LZTS1: variants seen among roughly 807,000 people sequenced by gnomAD.
LZTS1 encodes leucine zipper putative tumor suppressor 1.
In LZTS1, 31 loss-of-function variants were observed where a neutral mutation model predicts 45.8. That is an observed-to-expected ratio of 0.68 (90% CI 0.51 to 0.91). The LOEUF (loss-of-function observed/expected upper bound fraction) is 0.91, where lower values mean the gene tolerates loss of function less well. LZTS1 is among the 40% of genes least tolerant of loss of function. LZTS1 has a pLI of 0.00. For missense variants in LZTS1, 821 were observed against 788.9 expected (o/e 1.04, Z -0.49); for synonymous variants, 359 against 357.3 (o/e 1.00, Z -0.05).
chr8:20,287,178 G>T (rs891606375), intron 1 of LZTS1, among the ~76,000 whole-genome samples: 6 of 140,116 alleles, frequency 4.3e-5, no homozygotes, highest in African/African-American at 2.0e-4. Flanking sequence ...CGAGAAAGGT[G>T]TTCGGTGCCG....
intron 1 of LZTS1, among the ~76,000 whole-genome samples, chr8:20,293,367 C>G (rs767900732): frequency 2.6e-5 from 4 of 152,170 alleles, no homozygotes; most frequent in Non-Finnish European, 5.9e-5. Flanking sequence ...CTTTCCCCAC[C>G]ACCTGCTCTT....
chr8:20,266,628 T>G (rs1292800985), intron 1 of LZTS1, among the ~76,000 whole-genome samples: 1 of 152,080 alleles, frequency 6.6e-6, no homozygotes, highest in African/African-American at 2.4e-5. Flanking sequence ...GCAGAGTTTC[T>G]GTTTTTGAGG....
At chr8:20,251,729 G>A (rs1799917695) in intron 3 of LZTS1, among the ~76,000 whole-genome samples, 1 of 152,188 alleles carries the variant, frequency 6.6e-6, no homozygotes, top group Admixed American at 6.6e-5. Context: ...AAGCCAGCAT[G>A]ATACTAGTCA....
At chr8:20,290,020 TG>T (rs1258253802) in intron 1 of LZTS1, 4 of 152,218 alleles carry the variant, frequency 2.6e-5, no homozygotes, top group Admixed American at 1.3e-4. Flanking sequence ...GGAGCACTCC[TG>T]GTCCTAGAAC....
At position 20,275,020 on chromosome 8, in the gene LZTS1, C is replaced by T. The variant is rs117321858; in HGVS notation, c.-134-19705G>A. ...TTACCTCTCAGGATTGTGATATTCG[C>T]TTCCTGGAGGGAAGTCTCTGAAGGG... On this transcript the variant is annotated intron_variant, in intron 1 of 3. Transcript: ENST00000381569. Among the ~76,000 whole-genome samples, 18 of 146,330 alleles carry T rather than the reference C, an allele frequency of 1.2e-4. No individual in the cohort carries two copies. The East Asian group carries it at 3.3e-3, about 27-fold the overall frequency.
At chr8:20,264,446 C>A (rs1280706385) in intron 1 of LZTS1, among the ~76,000 whole-genome samples, 1 of 152,198 alleles carries the variant, frequency 6.6e-6, no homozygotes, top group African/African-American at 2.4e-5. Flanking sequence ...GAGACGACAT[C>A]TAGGACCTCT....
chr8:20,250,095 TGCTCCA>T lies in LZTS1; in HGVS notation c.1412_1417del (p.Leu471_Glu472del). 6.2e-7 allele frequency: 1 copy of T among 1,607,142 alleles called. No homozygotes were observed. Among genetic ancestry groups the T allele is most frequent in the African/African-American group, 1.3e-5 (1 of 75,042 alleles). Reference sequence around the variant, plus strand: ...CTGGGCCCGCAGCTCCTGCAGCTCCTGCTCCAGCAGGTTCACCTTCTCCCGCAGCAG... The same window carrying T: ...CTGGGCCCGCAGCTCCTGCAGCTCCTGCAGGTTCACCTTCTCCCGCAGCAG... On this transcript the variant is annotated inframe_deletion, in exon 4 of 4. Coordinates refer to ENST00000381569, the MANE Select transcript of LZTS1 (RefSeq NM_021020.5).
chr8:20,272,504 C>T (rs1800493746), intron 1 of LZTS1, among the ~76,000 whole-genome samples: 1 of 151,956 alleles, frequency 6.6e-6, no homozygotes. Flanking sequence ...TTTTTTGAGC[C>T]CAGATGCCGA....
chr8:20,251,140 T>TATATATATATATATATATAA (rs1563850986), intron 3 of LZTS1, among the ~76,000 whole-genome samples: 11 of 86,436 alleles, frequency 1.3e-4, no homozygotes, highest in African/African-American at 5.4e-4. Context: ...TATATATATA[T>TATATATATATATATATATAA]ATATATATAA....
intron 1 of LZTS1, among the ~76,000 whole-genome samples, chr8:20,276,171 T>G (rs542489870): frequency 6.6e-6 from 1 of 152,166 alleles, no homozygotes; most frequent in Non-Finnish European, 1.5e-5. Flanking sequence ...TGGATGACTA[T>G]GATATTATAA....
intron 1 of LZTS1, among the ~76,000 whole-genome samples, chr8:20,271,421 C>A (rs1800473083): frequency 6.6e-6 from 1 of 152,314 alleles, no homozygotes; most frequent in South Asian, 2.1e-4. Flanking sequence ...CCCCCAGCTG[C>A]CACCTAAGTC....
rs371056620 is a variant in LZTS1, at chr8:20,301,971, G to A, written c.-135+1769C>T. Among the ~76,000 whole-genome samples the A allele has an allele frequency of 6.5e-4, 99 of 152,176 alleles. 1 individual carries two copies. The South Asian group carries it at 0.02, about 31-fold the overall frequency. ...TTGCTTGCATATAGACACCCACAGA[G>A]ATGCCCGTTCTTTTTCTACTAGTTT... On this transcript the variant is annotated intron_variant, in intron 1 of 3. Transcript: ENST00000381569.
In LZTS1 at chr8:20,253,195, C is replaced by G. The variant is rs1712071110; in HGVS notation, c.736G>C (p.Asp246His). ...GSKLGHSNKA[D>H]KGPSCVRSPI... ...GAGCGGACACACGAGGGGCCCTTGT[C>G]TGCCTTGTTCGAGTGGCCCAGCTTG... The change falls in exon 3 of 4, where the codon GAC (aspartate) becomes CAC (histidine). Residue 246 changes from aspartate (D) to histidine (H), a missense_variant. By Grantham distance (81) the Asp-to-His change is moderately conservative (BLOSUM62 -1). Coordinates refer to ENST00000381569, the MANE Select transcript of LZTS1 (RefSeq NM_021020.5). 3.7e-6 allele frequency: 6 copies of G among 1,613,606 alleles called. No homozygotes were observed. In the African/African-American group the frequency reaches 5.3e-5, roughly 14 times the overall value.
chr8:20,250,220 C>T lies in LZTS1; in HGVS notation c.1293G>A (p.Leu431=). ...DTRGKLEGLE[L]RTQDLEGALR... ...GGGCGCCCTCCAGGTCCTGGGTCCTCAGCTCCAGGCCCTCCAGCTTGCCCC... is the reference window on the plus strand; with the variant it reads ...GGGCGCCCTCCAGGTCCTGGGTCCTTAGCTCCAGGCCCTCCAGCTTGCCCC... The change falls in exon 4 of 4, where the codon CTG becomes CTA. Residue 431 remains leucine (L), a synonymous_variant. Coordinates refer to ENST00000381569, the MANE Select transcript of LZTS1 (RefSeq NM_021020.5). 6.2e-7 allele frequency: 1 copy of T among 1,613,000 alleles called. No homozygotes were observed. The highest frequency in any genetic ancestry group is 1.3e-5 in the African/African-American group (1 of 75,066).
At chr8:20,289,763 T>C (rs148860065) in intron 1 of LZTS1, 53 of 152,384 alleles carry the variant, frequency 3.5e-4, no homozygotes, top group African/African-American at 1.3e-3. Context: ...CGACTGAGGC[T>C]AATTCCAGGC....
intron 1 of LZTS1, among the ~76,000 whole-genome samples, chr8:20,260,635 C>T (rs148170636): frequency 4.5e-4 from 68 of 152,298 alleles, no homozygotes; most frequent in African/African-American, 1.5e-3. Flanking sequence ...CTTCTCTAGC[C>T]GAGCTTCATT....
At chr8:20,254,723 G>T in intron 2 of LZTS1, 114 bp downstream of exon 2, 6 of 835,656 alleles carry the variant, frequency 7.2e-6, no homozygotes, top group Non-Finnish European at 7.2e-6. Flanking sequence ...CTCTGGTTTT[G>T]AGGAGTCTGA....
At chr8:20,261,741 G>A (rs1450248282) in intron 1 of LZTS1, among the ~76,000 whole-genome samples, 2 of 152,252 alleles carry the variant, frequency 1.3e-5, no homozygotes, top group Admixed American at 1.3e-4. Context: ...CCCATGAGTT[G>A]AAGCAGCTAT....
intron 1 of LZTS1, among the ~76,000 whole-genome samples, chr8:20,284,892 G>A (rs539525938): frequency 1.3e-5 from 2 of 152,130 alleles, no homozygotes; most frequent in African/African-American, 4.8e-5. Context: ...GCTCCCATCC[G>A]ATAGTCTTAG....
Sources: allele counts gnomAD v4.1 joint callset (sites outside exome capture counted in the v4.1 genomes callset), GRCh38; gene constraint gnomAD v4.1.1; transcripts MANE v1.5; gene names NCBI Gene and HGNC (gene_info 2026-07-23, HGNC 2026-07-21).